The following NUMB variants were observed in gnomAD, a reference collection of about 807,000 sequenced individuals.
NUMB encodes protein numb homolog.
In NUMB, 29 loss-of-function variants were observed where a neutral mutation model predicts 59.7. The ratio of observed to expected loss-of-function variants is 0.49; its 90% CI spans 0.36 to 0.66. The LOEUF is 0.66. NUMB is among the 30% of genes least tolerant of loss of function. NUMB has a pLI of 0.00. For missense variants in NUMB, 723 were observed against 822.0 expected (o/e 0.88, Z 1.47); for synonymous variants, 288 against 288.2 (o/e 1.00, Z 0.01).
At chr14:73,438,602 G>T (rs1353102773) in intron 1 of NUMB, among the ~76,000 whole-genome samples, 3 of 139,674 alleles carry the variant, frequency 2.1e-5, no homozygotes, top group Non-Finnish European at 3.0e-5. Context: ...CTGCACTCCA[G>T]CCTGGGCAAG....
At chr14:73,332,560 C>G (rs1892042639) in intron 4 of NUMB, among the ~76,000 whole-genome samples, 1 of 151,980 alleles carries the variant, frequency 6.6e-6, no homozygotes, top group African/African-American at 2.4e-5. Flanking sequence ...CACGCCCAGC[C>G]TCATAAATTC....
intron 1 of NUMB, among the ~76,000 whole-genome samples, chr14:73,425,831 CAG>C (rs1190638027): frequency 7.3e-6 from 1 of 137,124 alleles, no homozygotes; most frequent in Non-Finnish European, 1.5e-5. Flanking sequence ...TTTTTTGAGA[CAG>C]AGTCTCACTC....
chr14:73,438,451 C>T (rs1391298370), intron 1 of NUMB, among the ~76,000 whole-genome samples: 1 of 151,574 alleles, frequency 6.6e-6, no homozygotes, highest in African/African-American at 2.4e-5. Context: ...GCTAAAATGG[C>T]GAAACCCCGT....
At chr14:73,318,138 T>A (rs1891186108) in intron 5 of NUMB, among the ~76,000 whole-genome samples, 1 of 152,216 alleles carries the variant, frequency 6.6e-6, no homozygotes, top group Non-Finnish European at 1.5e-5. Flanking sequence ...TGAATAACCA[T>A]AAGCTTTCAA....
intron 2 of NUMB, among the ~76,000 whole-genome samples, chr14:73,372,308 TATATA>T (rs1295691754): frequency 1.5e-5 from 1 of 65,544 alleles, no homozygotes; most frequent in African/African-American, 8.6e-5. Context: ...ATTTCTTTTA[TATATA>T]TATATATATA....
chr14:73,323,165 G>T lies in NUMB; in HGVS notation c.166C>A (p.His56Asn), dbSNP rs780900163. The change falls in exon 5 of 13, where the codon CAC becomes AAC. Residue 56 changes from histidine (H) to asparagine (N), a missense_variant. By Grantham distance (68) the His-to-Asn change is moderately conservative. Transcript: ENST00000555238. ...CTTTTTACAGCATCTTCACAGATGT[G>T]CATTCCTCTTGATTCATCAACTTCT... ...HVEVDESRGM[H>N]ICEDAVKRLK... The T allele has an allele frequency of 6.2e-7, 1 of 1,613,506 alleles. No homozygotes were observed. The highest frequency in any genetic ancestry group is 1.3e-5 in the African/African-American group (1 of 74,900).
intron 4 of NUMB, among the ~76,000 whole-genome samples, chr14:73,338,759 A>G (rs8006679): frequency 0.8 from 122,147 of 152,198 alleles, 49,598 homozygotes; most frequent in African/African-American, 0.93. Flanking sequence ...CCTGGGTAGC[A>G]GATGAGGGCC....
chr14:73,333,315 T>C (rs1022997957), intron 4 of NUMB, among the ~76,000 whole-genome samples: 2 of 152,218 alleles, frequency 1.3e-5, no homozygotes, highest in African/African-American at 4.8e-5. Flanking sequence ...TGGCTTTGAT[T>C]TGCATTTCGC....
At chr14:73,359,217 T>C (rs183234400) in intron 3 of NUMB, among the ~76,000 whole-genome samples, 1 of 152,326 alleles carries the variant, frequency 6.6e-6, no homozygotes, top group East Asian at 1.9e-4. Context: ...TAATTATCAC[T>C]AGCCTGTAAT....
chr14:73,335,043 T>C (rs959242173), intron 4 of NUMB, among the ~76,000 whole-genome samples: 1 of 152,014 alleles, frequency 6.6e-6, no homozygotes, highest in Admixed American at 6.6e-5. Flanking sequence ...CACTTTCTTA[T>C]CTGTAGTATT....
intron 1 of NUMB, among the ~76,000 whole-genome samples, chr14:73,414,962 T>C (rs989126443): frequency 3.3e-5 from 5 of 152,138 alleles, no homozygotes; most frequent in African/African-American, 1.2e-4. Context: ...CCTTGTGATC[T>C]GCCTGCCTCG....
chr14:73,368,705 T>C (rs1403598213), intron 2 of NUMB, among the ~76,000 whole-genome samples: 1 of 152,136 alleles, frequency 6.6e-6, no homozygotes, highest in Non-Finnish European at 1.5e-5. Context: ...AGAAAATTAC[T>C]GACATAATCT....
chr14:73,378,016 C>CAT (rs1334300575), intron 2 of NUMB, among the ~76,000 whole-genome samples: 29 of 148,454 alleles, frequency 2.0e-4, no homozygotes, highest in African/African-American at 7.4e-4. Flanking sequence ...CACACACACA[C>CAT]ACATACACAC....
chr14:73,333,382 T>C (rs939914865), intron 4 of NUMB, among the ~76,000 whole-genome samples: 1 of 152,174 alleles, frequency 6.6e-6, no homozygotes, highest in African/African-American at 2.4e-5. Context: ...ATATCTTCTT[T>C]AGGTAAATTT....
In NUMB at chr14:73,382,987, A is replaced by C. The variant is rs146366444; in HGVS notation, c.-100-16006T>G. ...ATGGCAAAACCCTGTCTCTACCAAA[A>C]ATACAAAAATCAGCTAGGCGTGGTG... On this transcript the variant is annotated intron_variant, in intron 2 of 12. Coordinates refer to ENST00000555238, the MANE Select transcript of NUMB (RefSeq NM_001005743.2). Among the ~76,000 whole-genome samples the C allele has an allele frequency of 9.2e-4, 140 of 152,306 alleles. 1 individual carries two copies. In the East Asian group the frequency reaches 0.016, roughly 18 times the overall value.
chr14:73,433,876 G>C (rs1205793452), intron 1 of NUMB, among the ~76,000 whole-genome samples: 1 of 152,150 alleles, frequency 6.6e-6, no homozygotes, highest in Admixed American at 6.6e-5. Context: ...GATCACCTGA[G>C]GTCAGAAGTT....
intron 4 of NUMB, among the ~76,000 whole-genome samples, chr14:73,344,502 A>T (rs1594929044): frequency 6.6e-6 from 1 of 152,334 alleles, no homozygotes; most frequent in East Asian, 1.9e-4. Flanking sequence ...AAATCACTTA[A>T]TAGAGCAAAA....
intron 4 of NUMB, among the ~76,000 whole-genome samples, chr14:73,351,845 A>G (rs886351364): frequency 2.0e-5 from 3 of 151,882 alleles, no homozygotes; most frequent in Non-Finnish European, 4.4e-5. Context: ...GTGTGGTGGC[A>G]GGCGCCTGTA....
chr14:73,351,632 AC>A (rs1335870730), intron 4 of NUMB, among the ~76,000 whole-genome samples: 3 of 152,124 alleles, frequency 2.0e-5, no homozygotes, highest in Non-Finnish European at 4.4e-5. Context: ...GGTGGTGATA[AC>A]TGCACACCAA....
Sources: allele counts gnomAD v4.1 joint callset (sites outside exome capture counted in the v4.1 genomes callset), GRCh38; gene constraint gnomAD v4.1.1; transcripts MANE v1.5; gene names NCBI Gene and HGNC (gene_info 2026-07-23, HGNC 2026-07-21).